Variants in PSG6 observed in about 807,000 individuals in gnomAD.
PSG6 encodes pregnancy specific beta-1-glycoprotein 6, also known as pregnancy-specific beta-1-glycoprotein 6.
PSG6 carries 51 observed loss-of-function variants against 43.3 expected under a neutral mutation model. The ratio of observed to expected loss-of-function variants is 1.18; its 90% CI spans 0.94 to 1.49. The LOEUF (loss-of-function observed/expected upper bound fraction) is 1.49. Among genes scored for constraint, PSG6 ranks in the 40% most tolerant of loss-of-function variants. The pLI, the probability that PSG6 is intolerant of heterozygous loss-of-function variation, is 0.00. For synonymous variants in PSG6, 292 were observed against 197.6 expected (o/e 1.48, Z -4.01); for missense variants, 770 against 522.2 (o/e 1.47, Z -4.62).
At chr19:42,902,820 A>G (rs1432485530) in intron 5 of PSG6, among the ~76,000 whole-genome samples, 2 of 151,294 alleles carry the variant, frequency 1.3e-5, no homozygotes, top group African/African-American at 2.4e-5. Flanking sequence ...AACATACCAG[A>G]CTTGATTCTT....
chr19:42,908,956 A>G (rs1972169055), intron 3 of PSG6, among the ~76,000 whole-genome samples: 2 of 151,442 alleles, frequency 1.3e-5, no homozygotes, highest in Admixed American at 6.6e-5. Context: ...CAAGTTGGAG[A>G]GGTTCTAGAG....
At chr19:42,902,620 C>G (rs1424831582) in intron 5 of PSG6, among the ~76,000 whole-genome samples, 174 bp from the exon 6 acceptor site, 1 of 151,684 alleles carries the variant, frequency 6.6e-6, no homozygotes, top group African/African-American at 2.4e-5. Flanking sequence ...CTTGCAAAAA[C>G]TCTTAGAACT....
At chr19:42,906,703 C>A (rs1063013) in intron 5 of PSG6, 3 of 1,473,292 alleles carry the variant, frequency 2.0e-6, no homozygotes, top group African/African-American at 1.4e-5. Flanking sequence ...CCCCTCCCTA[C>A]CTTTCTCAGG....
chr19:42,916,032 A>T (rs1247141763), intron 2 of PSG6, 93 bp downstream of exon 2: 2 of 1,578,780 alleles, frequency 1.3e-6, no homozygotes, highest in Non-Finnish European at 8.6e-7. Flanking sequence ...GCAGAGAGTG[A>T]CACAGGCAGA....
At chr19:42,912,305 A>G (rs1972242466) in intron 2 of PSG6, among the ~76,000 whole-genome samples, 1 of 151,614 alleles carries the variant, frequency 6.6e-6, no homozygotes, top group Non-Finnish European at 1.5e-5. Flanking sequence ...TCTAGTAACA[A>G]AAAAAATTTG....
intron 5 of PSG6, 171 bp downstream of exon 5, chr19:42,906,751 A>C: frequency 1.3e-6 from 2 of 1,554,500 alleles, no homozygotes; most frequent in Non-Finnish European, 1.7e-6. Flanking sequence ...CAGAAAAACA[A>C]GCAGAAGAGA....
chr19:42,910,985 G>A (rs1972213980), intron 2 of PSG6, 127 bp from the exon 3 acceptor site: 2 of 1,497,194 alleles, frequency 1.3e-6, no homozygotes, highest in South Asian at 1.4e-5. Flanking sequence ...CATGGCAGGT[G>A]TGTGTGTTAC....
Position 42,910,652 on chromosome 19 carries a change from C to T in PSG6, c.634G>A (p.Gly212Arg). The T allele has an allele frequency of 6.2e-7, 1 of 1,612,400 alleles. No homozygotes were observed. Among genetic ancestry groups the T allele is most frequent in the Non-Finnish European group, 8.5e-7 (1 of 1,179,258 alleles). The change falls in exon 3 of 6, where the codon GGA becomes AGA. Residue 212 changes from glycine (G) to arginine (R), a missense_variant. Transcript: ENST00000187910. ...TTCCGTATTTCACATTCATAGGGTCCTGCAATATACTTTGTGACACCAAAT... is the reference window on the plus strand; with the variant it reads ...TTCCGTATTTCACATTCATAGGGTCTTGCAATATACTTTGTGACACCAAAT... ...YLFGVTKYIA[G>R]PYECEIRNPV...
intron 5 of PSG6, 92 bp from the exon 6 acceptor site, chr19:42,902,538 T>A: frequency 6.5e-7 from 1 of 1,542,464 alleles, no homozygotes; most frequent in South Asian, 1.2e-5. Flanking sequence ...AGCAAGGGTG[T>A]GAAAGCAAGT....
intron 2 of PSG6, 98 bp downstream of exon 2, chr19:42,916,027 G>A: frequency 6.4e-7 from 1 of 1,572,016 alleles, no homozygotes; most frequent in Non-Finnish European, 8.7e-7. Context: ...ATAATGCAGA[G>A]AGTGACACAG....
chr19:42,905,240 A>G (rs1248842791), intron 5 of PSG6, among the ~76,000 whole-genome samples: 1 of 151,828 alleles, frequency 6.6e-6, no homozygotes, highest in African/African-American at 2.4e-5. Context: ...ACAAAAGCAT[A>G]GGCAACAAAT....
chr19:42,906,071 T>A lies in PSG6; in HGVS notation c.1240+851A>T, dbSNP rs189969815. 4.0e-5 allele frequency among the ~76,000 whole-genome samples: 6 copies of A among 151,582 alleles called. 1 individual carries two copies. The highest frequency in any genetic ancestry group is 1.5e-4 in the African/African-American group (6 of 41,242). ...TATTAGATATATATAAAGTGTCTCG[T>A]GGTCTTGCCCTCTCTATAATTACAC... On this transcript the variant is annotated intron_variant, in intron 5 of 5. Transcript: ENST00000187910.
Position 42,910,706 on chromosome 19 carries a change from G to A in PSG6, c.580C>T (p.Leu194=), listed in dbSNP as rs1255468957. Residue 194 remains leucine, a synonymous_variant, in exon 3 of 6, where the codon CTG becomes TTG. Transcript: ENST00000187910. The stretch of plus-strand genomic sequence containing the variant: ...TAGAGGGTCCTGTTGGTTTTGGACA[G>A]CTGCAACCTGTGAGTCATAGGGAGG... ...QNLPMTHRLQ[L]SKTNRTLYLF... is the part of the protein sequence containing the mutation. The A allele has an allele frequency of 3.1e-6, 5 of 1,612,266 alleles. No homozygotes were observed. The highest frequency in any genetic ancestry group is 1.7e-5 in the Admixed American group (1 of 59,872).
chr19:42,907,963 A>G, intron 3 of PSG6, 109 bp from the exon 4 acceptor site: 2 of 1,466,410 alleles, frequency 1.4e-6, no homozygotes, highest in Non-Finnish European at 1.9e-6. Context: ...AGTCCTTGAA[A>G]GCCAGTAGCT....
At position 42,917,612 on chromosome 19, in the gene PSG6, C is replaced by G. The variant is rs544770359; in HGVS notation, c.64+117G>C. 1.6e-4 allele frequency: 233 copies of G among 1,466,980 alleles called. 2 individuals are homozygous for G. In the African/African-American group the frequency reaches 2.8e-3, roughly 17 times the overall value. The allele number at this position is 1,466,980 out of a possible 1,614,324, so 90.9% of individuals were successfully genotyped here. A position where few individuals can be genotyped will look rare whatever the true frequency, so the allele number is the denominator to read the frequency against. On this transcript the variant is annotated intron_variant, in intron 1 of 5. Coordinates refer to ENST00000187910, the MANE Select transcript of PSG6 (RefSeq NM_001031850.4). ...ACTCCTGATCTCGTGATCCACCCAC[C>G]TCAGCCTCCCTAAGTGCTGGCTTCT... is the stretch of plus-strand genomic sequence containing the variant.
chr19:42,911,299 A>G (rs1223297070), intron 2 of PSG6, among the ~76,000 whole-genome samples: 3 of 151,578 alleles, frequency 2.0e-5, no homozygotes, highest in African/African-American at 7.3e-5. Context: ...CTAGAGATGG[A>G]TGATGGAACT....
chr19:42,910,688 T>C lies in PSG6; in HGVS notation c.598A>G (p.Thr200Ala). Residue 200 changes from threonine to alanine, a missense_variant, in exon 3 of 6, where the codon ACC becomes GCC. Thr to Ala is a moderately conservative substitution (Grantham distance 58). Coordinates refer to ENST00000187910, the MANE Select transcript of PSG6 (RefSeq NM_001031850.4). ...TTTGTGACACCAAATAGATAGAGGG[T>C]CCTGTTGGTTTTGGACAGCTGCAAC... is the stretch of plus-strand genomic sequence containing the variant. ...HRLQLSKTNR[T>A]LYLFGVTKYI... is the part of the protein sequence containing the mutation. 2 of 1,612,188 alleles carry C rather than the reference T, an allele frequency of 1.2e-6. No individual in the cohort carries two copies. Among genetic ancestry groups the C allele is most frequent in the African/African-American group, 1.3e-5 (1 of 74,764 alleles).
At position 42,916,327 on chromosome 19, in the gene PSG6, G is replaced by A. The variant is rs770764274; in HGVS notation, c.225C>T (p.Leu75=). ...CTACATATGATGTAATGTAATGGTA[G>A]AGGTCCGTCATTTGCCCTTTGTACC... The part of the protein sequence containing the change: ...YIWYKGQMTD[L]YHYITSYVVH... The change falls in exon 2 of 6, where the codon CTC becomes CTT. Residue 75 remains leucine, a synonymous_variant. Coordinates refer to ENST00000187910, the MANE Select transcript of PSG6 (RefSeq NM_001031850.4). The A allele has an allele frequency of 3.1e-6, 5 of 1,612,156 alleles. 1 individual carries two copies. The East Asian group carries it at 1.1e-4, about 36-fold the overall frequency.
Position 42,908,645 on chromosome 19 carries a change from T to C in PSG6, c.707-791A>G, listed in dbSNP as rs60813545. Among the ~76,000 whole-genome samples the C allele has an allele frequency of 4.0e-3, 606 of 151,646 alleles. 7 individuals are homozygous for C. The highest frequency in any genetic ancestry group is 0.014 in the African/African-American group (559 of 41,232). On this transcript the variant is annotated intron_variant, in intron 3 of 5. Coordinates refer to ENST00000187910, the MANE Select transcript of PSG6 (RefSeq NM_001031850.4). ...CAGGTGAGGACCATGTGGATCTTTCTAGAAATACATGTGGACATTTGCAAA... is the reference window on the plus strand; with the variant it reads ...CAGGTGAGGACCATGTGGATCTTTCCAGAAATACATGTGGACATTTGCAAA...
Sources: gnomAD v4.1 joint callset for allele counts (sites outside exome capture counted in the v4.1 genomes callset) on GRCh38, gnomAD v4.1.1 for gene constraint, MANE v1.5 for transcripts, NCBI Gene and HGNC (gene_info 2026-07-23, HGNC 2026-07-21) for gene names.